Variants in CHD4 observed in about 807,000 individuals in gnomAD.
CHD4 encodes chromodomain helicase DNA binding protein 4, also known as ATP-dependent chromatin remodeler CHD4.
A neutral mutation model predicts 235.5 loss-of-function variants in CHD4; 35 were observed. That is an observed-to-expected ratio of 0.15 (90% CI 0.11 to 0.20). The LOEUF (loss-of-function observed/expected upper bound fraction) is 0.20, where lower values mean the gene tolerates loss of function less well. CHD4 is among the 10% of genes least tolerant of loss of function. The pLI, the probability that CHD4 is intolerant of heterozygous loss-of-function variation, is 1.00. For missense variants in CHD4, 1,329 were observed against 2,432.3 expected (o/e 0.55, Z 9.54); for synonymous variants, 900 against 850.2 (o/e 1.06, Z -1.02).
chr12:6,583,209 T>C lies in CHD4; in HGVS notation c.4049A>G (p.Gln1350Arg). 1.2e-6 allele frequency: 2 copies of C among 1,614,192 alleles called. No individual in the cohort carries two copies. The highest frequency in any genetic ancestry group is 1.7e-6 in the Non-Finnish European group (2 of 1,180,038). Residue 1350 changes from glutamine to arginine, a missense_variant, in exon 26 of 40, where the codon CAG becomes CGG. By Grantham distance (43) the Gln-to-Arg change is conservative. Transcript: ENST00000544040. ...CCGGCCACACACACCTCGGTCCTCC[T>C]GGGAGCCATCATTGTAGTTGACCTG... Reference protein sequence around the residue: ...RKQVNYNDGSQEDRDWQDDQS... With the variant: ...RKQVNYNDGSREDRDWQDDQS...
chr12:6,591,397 CAAG>C (rs1948397737), intron 22 of CHD4, 66 bp downstream of exon 22: 2 of 1,213,624 alleles, frequency 1.6e-6, no homozygotes, highest in Non-Finnish European at 2.4e-6. Flanking sequence ...AGGAGATGCA[CAAG>C]AAGTTACAGT....
chr12:6,571,386 CT>C, intron 38 of CHD4: 1 of 223,208 alleles, frequency 4.5e-6, no homozygotes, highest in Non-Finnish European at 8.9e-6. Context: ...TCCTCATAAC[CT>C]TTTACTTTAA....
chr12:6,600,248 G>A lies in CHD4; in HGVS notation c.1211C>T (p.Ala404Val). ...TGGGCAGCTCCACTTGCCCTCGGGA[G>A]CCTTCTCCATGTCGGGATCCAGGCA... ...MVCLDPDMEK[A>V]PEGKWSCPHC... Residue 404 changes from alanine (A) to valine (V), a missense_variant, in exon 9 of 40, where the codon GCT (alanine) becomes GTT (valine). By Grantham distance (64) the Ala-to-Val change is moderately conservative. This residue lies in a region of CHD4 where 37 missense variants were observed against 49.9 expected (regional missense o/e 0.74). Coordinates refer to ENST00000544040, the MANE Select transcript of CHD4 (RefSeq NM_001273.5). 1.2e-6 allele frequency: 2 copies of A among 1,614,160 alleles called. No homozygotes were observed. Among genetic ancestry groups the A allele is most frequent in the Non-Finnish European group, 1.7e-6 (2 of 1,180,032 alleles).
Position 6,588,360 on chromosome 12 carries a change from G to A in CHD4, c.3403C>T (p.Leu1135=). ...STRAGGLGIN[L]ATADTVIIYD... The stretch of plus-strand genomic sequence containing the variant: ...ATAATAACTGTGTCAGCAGTGGCCA[G>A]ATTGATTCCAAGGCCCCCAGCTCGA... Residue 1135 remains leucine (L), a synonymous_variant, in exon 23 of 40, where the codon CTG becomes TTG. Transcript: ENST00000544040. The A allele has an allele frequency of 3.1e-6, 5 of 1,614,192 alleles. No homozygotes were observed. Among genetic ancestry groups the A allele is most frequent in the Non-Finnish European group, 4.2e-6 (5 of 1,180,014 alleles).
intron 19 of CHD4, 122 bp from the exon 20 acceptor site, chr12:6,592,179 G>A (rs1349314859): frequency 1.1e-5 from 14 of 1,312,638 alleles, no homozygotes; most frequent in Middle Eastern, 2.6e-4. Flanking sequence ...GACACCTAAC[G>A]CACAAGCACT....
rs940323080 is a variant in CHD4 at position 6,600,778 on chromosome 12, C to T, written c.928-109G>A. 16 of 1,521,792 alleles carry T rather than the reference C, an allele frequency of 1.1e-5. No homozygotes were observed. In the African/African-American group the frequency reaches 1.1e-4, roughly 11 times the overall value. 94.3% of individuals were successfully genotyped at this position (1,521,792 alleles called of 1,614,324 possible). On this transcript the variant is annotated intron_variant, in intron 7 of 39. Transcript: ENST00000544040. The stretch of plus-strand genomic sequence containing the variant: ...GGGACACCAGAATCCCAGCAAGCAC[C>T]GTTATACAGGGAGCCTAGTCTCATC...
At chr12:6,573,001 A>C in intron 38 of CHD4, 73 bp downstream of exon 38, 1 of 1,433,960 alleles carries the variant, frequency 7.0e-7, no homozygotes, top group Non-Finnish European at 9.4e-7. Context: ...GTTTGAAAAC[A>C]AATATATGTA....
intron 2 of CHD4, among the ~76,000 whole-genome samples, chr12:6,605,717 C>T (rs1186206039): frequency 2.6e-5 from 4 of 152,202 alleles, no homozygotes; most frequent in South Asian, 4.1e-4. Flanking sequence ...ATCTGCCTGG[C>T]TGCTTTAAGC....
chr12:6,572,602 T>C (rs1022039005), intron 38 of CHD4, among the ~76,000 whole-genome samples: 5 of 151,842 alleles, frequency 3.3e-5, no homozygotes, highest in Admixed American at 6.5e-5. Flanking sequence ...CCCAGGCTGA[T>C]AGCCTGTGCA....
chr12:6,576,004 A>C (rs1414995039), intron 37 of CHD4, among the ~76,000 whole-genome samples: 1 of 151,996 alleles, frequency 6.6e-6, no homozygotes, highest in Non-Finnish European at 1.5e-5. Context: ...CTTCTCCATA[A>C]AGCCATTTGT....
Position 6,596,992 on chromosome 12 carries a change from G to A in CHD4, c.1893-855C>T, listed in dbSNP as rs578085343. Among the ~76,000 whole-genome samples the A allele has an allele frequency of 3.3e-5, 5 of 150,510 alleles. 1 individual carries two copies. In the South Asian group the frequency reaches 8.5e-4, roughly 26 times the overall value. ...TAATAAATAAATAAATAAATAGGCC[G>A]AGTGCGGCGGCTCACGCCTGTAATC... On this transcript the variant is annotated intron_variant, in intron 12 of 39. Transcript: ENST00000544040.
rs112040841 is a variant in CHD4 at position 6,588,088 on chromosome 12, T to G, written c.3466-139A>C. The G allele has an allele frequency of 1.8e-3, 1,971 of 1,119,994 alleles. 52 individuals carry two copies. In the South Asian group the frequency reaches 0.024, roughly 14 times the overall value. The allele number at this position is 1,119,994 out of a possible 1,614,324, so 69.4% of individuals were successfully genotyped here. ...CATAGGAAACTTCCTTTTGCACCCCTGCCTCCAGACACCACCCTCTATTAT... is the reference window on the plus strand; with the variant it reads ...CATAGGAAACTTCCTTTTGCACCCCGGCCTCCAGACACCACCCTCTATTAT... On this transcript the variant is annotated intron_variant, in intron 23 of 39. Coordinates refer to ENST00000544040, the MANE Select transcript of CHD4 (RefSeq NM_001273.5).
chr12:6,591,150 A>AC (rs1565611029), intron 22 of CHD4: 6 of 190,026 alleles, frequency 3.2e-5, no homozygotes, highest in Non-Finnish European at 6.3e-5. Flanking sequence ...AAAAAAAAAA[A>AC]ACCTAGTAGC....
At position 6,592,467 on chromosome 12, in the gene CHD4, G is replaced by A; in HGVS notation, c.2874C>T (p.Leu958=). 1 of 1,612,092 alleles carries A rather than the reference G, an allele frequency of 6.2e-7. No individual in the cohort carries two copies. Among genetic ancestry groups the A allele is most frequent in the South Asian group, 1.1e-5 (1 of 91,042 alleles). The part of the protein sequence containing the change: ...DMLGPHMLRR[L]KADVFKNMPS... ...GCATGTTCTTGAACACATCGGCTTT[G>A]AGCCGCCGCAACATGTGCGGCCCCA... The change falls in exon 19 of 40, where the codon CTC becomes CTT. Residue 958 remains leucine (L), a synonymous_variant. Coordinates refer to ENST00000544040, the MANE Select transcript of CHD4 (RefSeq NM_001273.5).
At position 6,593,385 on chromosome 12, in the gene CHD4, T is replaced by C. The variant is rs756411661; in HGVS notation, c.2514+31A>G. ...AACTAAGCCAGAAGCCACAACTCTT[T>C]CTCTAGGGTGGCTTCCCTCCCCTGA... On this transcript the variant is annotated intron_variant, in intron 16 of 39. Coordinates refer to ENST00000544040, the MANE Select transcript of CHD4 (RefSeq NM_001273.5). The surrounding 1 kb of genome is among the most constrained non-coding windows in gnomAD (Gnocchi z 4.9). 113 of 1,609,320 alleles carry C rather than the reference T, an allele frequency of 7.0e-5. No homozygotes were observed. Among genetic ancestry groups the C allele is most frequent in the Non-Finnish European group, 9.2e-5 (108 of 1,176,272 alleles).
chr12:6,594,400 G>A, intron 15 of CHD4, 59 bp downstream of exon 15: 3 of 1,504,702 alleles, frequency 2.0e-6, no homozygotes. Context: ...CTCAGTGTAA[G>A]TTAAGGCTTC....
At chr12:6,582,786 C>T (rs1000552859) in intron 28 of CHD4, 38 bp from the exon 29 acceptor site, 35 of 1,613,902 alleles carry the variant, frequency 2.2e-5, no homozygotes, top group Non-Finnish European at 2.7e-5. Context: ...GGCAGCAGGT[C>T]GCATTCCACC....
At chr12:6,605,359 G>A (rs565301076) in intron 2 of CHD4, among the ~76,000 whole-genome samples, 31 of 152,356 alleles carry the variant, frequency 2.0e-4, no homozygotes, top group Admixed American at 3.9e-4. Context: ...TCTGAAAAAG[G>A]ACACAGAAGA....
chr12:6,593,154 G>T lies in CHD4; in HGVS notation c.2589C>A (p.Gly863=). 6.2e-7 allele frequency: 1 copy of T among 1,614,152 alleles called. No homozygotes were observed. Among genetic ancestry groups the T allele is most frequent in the South Asian group, 1.1e-5 (1 of 91,086 alleles). ...CGATGAGGCAGGCCCAATCAATAGA[G>T]CCCAAAATAGCCATGTCAATGGTGA... The part of the protein sequence containing the change: ...ELITIDMAIL[G]SIDWACLIVD... The change falls in exon 17 of 40, where the codon GGC becomes GGA. Residue 863 remains glycine, a synonymous_variant. Transcript: ENST00000544040. This position sits in a 1 kb window ranked among gnomAD's most constrained non-coding sequence, Gnocchi z 4.9.
Sources: allele counts gnomAD v4.1 joint callset (sites outside exome capture counted in the v4.1 genomes callset), GRCh38; gene constraint gnomAD v4.1.1; regional missense constraint gnomAD v4.1.1; non-coding constraint Gnocchi (gnomAD v3.1); transcripts MANE v1.5; gene names NCBI Gene and HGNC (gene_info 2026-07-23, HGNC 2026-07-21).